Variants in AP4E1 observed in about 807,000 individuals in gnomAD.
AP4E1 encodes AP-4 complex subunit epsilon-1.
AP4E1 carries 56 observed loss-of-function variants against 128.2 expected under a neutral mutation model. That is an observed-to-expected ratio of 0.44 (90% confidence interval 0.35 to 0.55). AP4E1 has a LOEUF of 0.55. Among genes scored for constraint, AP4E1 ranks in the 20% least tolerant of loss-of-function variants. AP4E1 has a pLI of 0.00. For missense variants in AP4E1, 1,324 were observed against 1,307.7 expected (o/e 1.01, Z -0.19); for synonymous variants, 484 against 473.1 (o/e 1.02, Z -0.30).
Position 50,929,080 on chromosome 15 carries a change from A to G in AP4E1, c.614A>G (p.His205Arg). 6.2e-7 allele frequency: 1 copy of G among 1,613,904 alleles called. No homozygotes were observed. Among genetic ancestry groups the G allele is most frequent in the Non-Finnish European group, 8.5e-7 (1 of 1,179,880 alleles). The change falls in exon 6 of 21, where the codon CAT (histidine) becomes CGT (arginine). Residue 205 changes from histidine to arginine, a missense_variant. Physicochemically the swap from His to Arg is conservative, Grantham distance 29. Transcript: ENST00000261842. The stretch of plus-strand genomic sequence containing the variant: ...CTCATTGCTCCTAATCAAGTACAAC[A>G]TATTCATATTAAGTTTCGGAAAGCA... ...FHLIAPNQVQ[H>R]IHIKFRKALC...
intron 4 of AP4E1, among the ~76,000 whole-genome samples, chr15:50,924,215 A>G (rs1226801486): frequency 6.6e-6 from 1 of 152,170 alleles, no homozygotes; most frequent in East Asian, 1.9e-4. Flanking sequence ...TACTATGTGA[A>G]GTAGTAGCTG....
At chr15:50,922,712 T>C (rs2063721400) in intron 3 of AP4E1, among the ~76,000 whole-genome samples, 1 of 152,060 alleles carries the variant, frequency 6.6e-6, no homozygotes, top group Non-Finnish European at 1.5e-5. Context: ...TGACTTCAAC[T>C]GTCTGGGTTT....
At chr15:50,923,252 A>G (rs1477169438) in intron 3 of AP4E1, among the ~76,000 whole-genome samples, 1 of 152,356 alleles carries the variant, frequency 6.6e-6, no homozygotes, top group East Asian at 1.9e-4. Flanking sequence ...TTATATGTAC[A>G]TGGCATTTGT....
chr15:50,936,151 A>G (rs1239896125), intron 8 of AP4E1, among the ~76,000 whole-genome samples: 1 of 152,188 alleles, frequency 6.6e-6, no homozygotes, highest in Non-Finnish European at 1.5e-5. Context: ...GATATTATAT[A>G]GGTTCCTGCT....
At chr15:50,942,307 T>C (rs972430695) in intron 10 of AP4E1, among the ~76,000 whole-genome samples, 6 of 152,156 alleles carry the variant, frequency 3.9e-5, no homozygotes, top group Non-Finnish European at 5.9e-5. Flanking sequence ...TTGAAGGAAT[T>C]AGGTCCAGTC....
intron 16 of AP4E1, among the ~76,000 whole-genome samples, chr15:50,990,754 CA>C (rs1567261353): frequency 1.3e-5 from 2 of 152,076 alleles, no homozygotes; most frequent in African/African-American, 4.8e-5. Flanking sequence ...AGTATGTATG[CA>C]GATGAAATAA....
chr15:50,958,746 A>G lies in AP4E1; in HGVS notation c.1803A>G (p.Glu601=), dbSNP rs762482161. ...TAAAACATTTGCATGAGAATGTGGA[A>G]CTTATGAAGAGCTTGCTTCCAGTTG... The part of the protein sequence containing the change: ...FELKHLHENV[E]LMKSLLPVDR... The change falls in exon 14 of 21, where the codon GAA becomes GAG. Residue 601 remains glutamate, a synonymous_variant. Transcript: ENST00000261842. The G allele has an allele frequency of 1.2e-6, 2 of 1,614,160 alleles. No individual in the cohort carries two copies. Among genetic ancestry groups the G allele is most frequent in the South Asian group, 2.2e-5 (2 of 91,092 alleles).
chr15:50,995,310 G>A (rs1284725413), intron 17 of AP4E1, among the ~76,000 whole-genome samples: 1 of 151,550 alleles, frequency 6.6e-6, no homozygotes, highest in Non-Finnish European at 1.5e-5. Flanking sequence ...TTTATTTTTA[G>A]GTCTGTGATC....
At chr15:50,917,575 C>G (rs1455020849) in intron 3 of AP4E1, among the ~76,000 whole-genome samples, 5 of 152,062 alleles carry the variant, frequency 3.3e-5, no homozygotes, top group Non-Finnish European at 7.4e-5. Context: ...GAAATTTTGT[C>G]TTGAGTAGGA....
In AP4E1 at chr15:50,949,270, G is replaced by A. The variant is rs539744011; in HGVS notation, c.1317-556G>A. ...TACTAAAACACAAAAAAATTTAGCC[G>A]GGCATGGTGGTGTGCACCTGTAGTC... On this transcript the variant is annotated intron_variant, in intron 11 of 20. Transcript: ENST00000261842. Among the ~76,000 whole-genome samples, 7 of 151,864 alleles carry A rather than the reference G, an allele frequency of 4.6e-5. No individual in the cohort carries two copies. The South Asian group carries it at 6.2e-4, about 14-fold the overall frequency.
In AP4E1 at chr15:50,931,202, C is replaced by T. The variant is rs770431846; in HGVS notation, c.869+231C>T. ...ATCATGAAAGGTACCCATGAAACAC[C>T]ATCTCCTCTGTGATGCTTTCGTAAT... On this transcript the variant is annotated intron_variant, in intron 7 of 20. Transcript: ENST00000261842. Among the ~76,000 whole-genome samples, 16 of 152,232 alleles carry T rather than the reference C, an allele frequency of 1.1e-4. No individual in the cohort carries two copies. In the South Asian group the frequency reaches 2.9e-3, roughly 28 times the overall value.
At chr15:50,927,938 T>C (rs2063787833) in intron 5 of AP4E1, among the ~76,000 whole-genome samples, 1 of 152,006 alleles carries the variant, frequency 6.6e-6, no homozygotes, top group African/African-American at 2.4e-5. Context: ...ATAACAGATA[T>C]GTAGAAATAG....
At chr15:51,000,141 CT>C (rs11383470) in intron 19 of AP4E1, among the ~76,000 whole-genome samples, 29 of 120,784 alleles carry the variant, frequency 2.4e-4, no homozygotes, top group Non-Finnish European at 2.3e-4. Context: ...TTTGTTCATT[CT>C]TTTTTTTTTT....
At chr15:50,956,542 C>T (rs984044418) in intron 13 of AP4E1, among the ~76,000 whole-genome samples, 2 of 152,042 alleles carry the variant, frequency 1.3e-5, no homozygotes, top group Non-Finnish European at 2.9e-5. Context: ...GCTGGGGAGG[C>T]CTCAGGAAAC....
At chr15:50,949,688 A>G in intron 11 of AP4E1, 138 bp from the exon 12 acceptor site, 1 of 705,938 alleles carries the variant, frequency 1.4e-6, no homozygotes, top group Non-Finnish European at 2.5e-6. Flanking sequence ...ACTGGGGTAC[A>G]GAACAATTTA....
At chr15:50,955,420 C>A (rs2064206557) in intron 13 of AP4E1, among the ~76,000 whole-genome samples, 1 of 152,196 alleles carries the variant, frequency 6.6e-6, no homozygotes, top group African/African-American at 2.4e-5. Flanking sequence ...ATTAGCATTT[C>A]TCTGATGGCT....
At chr15:50,993,968 G>A (rs1008887952) in intron 17 of AP4E1, among the ~76,000 whole-genome samples, 3 of 152,036 alleles carry the variant, frequency 2.0e-5, no homozygotes, top group Admixed American at 1.3e-4. Flanking sequence ...AATAATAATC[G>A]TTCAACAGTA....
intron 15 of AP4E1, among the ~76,000 whole-genome samples, chr15:50,982,621 A>T (rs1344833247): frequency 6.6e-6 from 1 of 152,232 alleles, no homozygotes; most frequent in Non-Finnish European, 1.5e-5. Flanking sequence ...TGAAGAAATG[A>T]AGATCTAGTT....
intron 10 of AP4E1, chr15:50,945,660 C>G (rs3784303): frequency 0.44 from 345,240 of 778,670 alleles, 78,196 homozygotes; most frequent in East Asian, 0.58. Flanking sequence ...GTGTAAAATG[C>G]ACTTCTGACA....
Sources: gnomAD v4.1 joint callset for allele counts (sites outside exome capture counted in the v4.1 genomes callset) on GRCh38, gnomAD v4.1.1 for gene constraint, MANE v1.5 for transcripts, NCBI Gene and HGNC (gene_info 2026-07-23, HGNC 2026-07-21) for gene names.